Variants in NETO2 observed in about 807,000 individuals in gnomAD.
NETO2 encodes the protein neuropilin and tolloid-like protein 2.
A neutral mutation model predicts 62.5 loss-of-function variants in NETO2; 28 were observed. The ratio of observed to expected loss-of-function variants is 0.45; its 90% CI spans 0.33 to 0.61. The LOEUF (loss-of-function observed/expected upper bound fraction) is 0.61, where lower values mean the gene tolerates loss of function less well. Among genes scored for constraint, NETO2 ranks in the 20% least tolerant of loss-of-function variants. The pLI, the probability that NETO2 is intolerant of heterozygous loss-of-function variation, is 0.02. For synonymous variants in NETO2, 214 were observed against 219.1 expected (o/e 0.98, Z 0.21); for missense variants, 548 against 643.2 (o/e 0.85, Z 1.60).
chr16:47,092,226 G>A (rs958839286), intron 7 of NETO2, among the ~76,000 whole-genome samples: 3 of 152,030 alleles, frequency 2.0e-5, no homozygotes, highest in South Asian at 2.1e-4. Context: ...GTGGACCTGC[G>A]CAAGGATCGG....
Position 47,079,287 on chromosome 16 carries a change from C to CA in NETO2, c.*3933dup, listed in dbSNP as rs1478377444. On this transcript the variant is annotated 3_prime_UTR_variant, in exon 9 of 9. Coordinates refer to ENST00000562435, the MANE Select transcript of NETO2 (RefSeq NM_018092.5). ...CAGAGCGAGACTCTGTCTCAAAAAA[C>CA]AAAAAAACAGAAAAACAAAAACAGA... The CA allele has an allele frequency of 8.4e-5, 11 of 130,850 alleles. No individual in the cohort carries two copies. The highest frequency in any genetic ancestry group is 1.4e-4 in the African/African-American group (5 of 34,796). The allele number at this position is 130,850 out of a possible 1,614,324, so 8.1% of individuals were successfully genotyped here.
At chr16:47,113,958 T>C (rs1419753085) in intron 6 of NETO2, among the ~76,000 whole-genome samples, 1 of 152,184 alleles carries the variant, frequency 6.6e-6, no homozygotes, top group Non-Finnish European at 1.5e-5. Flanking sequence ...GATAAAGTTG[T>C]TATGAACATT....
At chr16:47,128,969 T>C (rs1964211269) in intron 3 of NETO2, among the ~76,000 whole-genome samples, 1 of 152,224 alleles carries the variant, frequency 6.6e-6, no homozygotes, top group Admixed American at 6.5e-5. Flanking sequence ...TTAAGTTTCT[T>C]ATCAGAGAAA....
intron 7 of NETO2, among the ~76,000 whole-genome samples, chr16:47,088,033 T>C (rs945476600): frequency 6.6e-6 from 1 of 152,156 alleles, no homozygotes; most frequent in Non-Finnish European, 1.5e-5. Context: ...ACAAAACATA[T>C]GAAAGTCAAG....
intron 6 of NETO2, among the ~76,000 whole-genome samples, chr16:47,118,793 G>C (rs1480007026): frequency 7.9e-5 from 12 of 152,016 alleles, no homozygotes; most frequent in Admixed American, 7.9e-4. Context: ...TTAAATCATT[G>C]CATCTGTAAA....
chr16:47,094,263 ATT>A (rs35543379), intron 7 of NETO2, among the ~76,000 whole-genome samples: 3 of 137,738 alleles, frequency 2.2e-5, no homozygotes, highest in South Asian at 2.3e-4. Context: ...TATCACTTGG[ATT>A]TTTTTTTTTT....
At chr16:47,093,735 C>A (rs1177826536) in intron 7 of NETO2, among the ~76,000 whole-genome samples, 1 of 152,102 alleles carries the variant, frequency 6.6e-6, no homozygotes, top group Admixed American at 6.5e-5. Flanking sequence ...CATAAACAGT[C>A]ATGATTTTAA....
chr16:47,106,438 C>T (rs1963676557), intron 7 of NETO2, among the ~76,000 whole-genome samples: 1 of 151,890 alleles, frequency 6.6e-6, no homozygotes, highest in African/African-American at 2.4e-5. Context: ...TTAAAAGTGA[C>T]TGAGGGTAAA....
chr16:47,089,608 T>A (rs1423672692), intron 7 of NETO2, among the ~76,000 whole-genome samples: 1 of 152,208 alleles, frequency 6.6e-6, no homozygotes, highest in Non-Finnish European at 1.5e-5. Flanking sequence ...TTCATGGTTC[T>A]TAGATAACAT....
chr16:47,128,631 T>C (rs2151489964), intron 3 of NETO2, 58 bp from the exon 4 acceptor site: 4 of 1,555,790 alleles, frequency 2.6e-6, no homozygotes, highest in Non-Finnish European at 3.5e-6. Flanking sequence ...TATAAATGTA[T>C]TGACACAAAT....
rs999149291 is a variant in NETO2 at position 47,085,519 on chromosome 16, T to A, written c.997+707A>T. Among the ~76,000 whole-genome samples the A allele has an allele frequency of 2.6e-5, 4 of 151,972 alleles. No homozygotes were observed. In the East Asian group the frequency reaches 7.8e-4, roughly 30 times the overall value. ...GCCTCAGCCTCCCGAGTAGCTGGGA[T>A]TACAGGCGCGTGCCACCACGCCTAG... On this transcript the variant is annotated intron_variant, in intron 8 of 8. Transcript: ENST00000562435.
chr16:47,117,897 G>C (rs1162348704), intron 6 of NETO2, among the ~76,000 whole-genome samples: 1 of 151,930 alleles, frequency 6.6e-6, no homozygotes, highest in African/African-American at 2.4e-5. Flanking sequence ...GAACAGCCTA[G>C]GCAACATTGT....
At position 47,082,037 on chromosome 16, in the gene NETO2, A is replaced by G. The variant is rs1288244007; in HGVS notation, c.*1184T>C. 1 of 152,654 alleles carries G rather than the reference A, an allele frequency of 6.6e-6. No individual in the cohort carries two copies. Among genetic ancestry groups the G allele is most frequent in the African/African-American group, 2.4e-5 (1 of 41,466 alleles). 9.5% of individuals were successfully genotyped at this position (152,654 alleles called of 1,614,324 possible). ...TGTAGGTCTTTCATCTTGATTTAATAAAGTTTGTACAGTATCAAATAATAT... is the reference window on the plus strand; with the variant it reads ...TGTAGGTCTTTCATCTTGATTTAATGAAGTTTGTACAGTATCAAATAATAT... On this transcript the variant is annotated 3_prime_UTR_variant, in exon 9 of 9. Transcript: ENST00000562435.
chr16:47,134,123 T>G (rs1273994216), intron 1 of NETO2, among the ~76,000 whole-genome samples: 1 of 152,114 alleles, frequency 6.6e-6, no homozygotes, highest in Non-Finnish European at 1.5e-5. Context: ...GTGCAAGTGG[T>G]TGGTAGACAG....
At chr16:47,111,400 T>C (rs1340050429) in intron 6 of NETO2, among the ~76,000 whole-genome samples, 1 of 152,178 alleles carries the variant, frequency 6.6e-6, no homozygotes, top group Admixed American at 6.5e-5. Flanking sequence ...TAAAGATAAA[T>C]AATAACAAGA....
At chr16:47,106,023 T>A (rs1270678852) in intron 7 of NETO2, among the ~76,000 whole-genome samples, 1 of 152,150 alleles carries the variant, frequency 6.6e-6, no homozygotes, top group Non-Finnish European at 1.5e-5. Flanking sequence ...CATCAACAGA[T>A]GAATGAATGT....
chr16:47,108,926 C>T (rs1029911126), intron 7 of NETO2, among the ~76,000 whole-genome samples: 5 of 152,148 alleles, frequency 3.3e-5, no homozygotes, highest in African/African-American at 4.8e-5. Flanking sequence ...ATATCTAAAT[C>T]TTTGATGACC....
intron 7 of NETO2, among the ~76,000 whole-genome samples, chr16:47,105,336 A>C (rs1040810977): frequency 6.6e-6 from 1 of 152,216 alleles, no homozygotes; most frequent in Non-Finnish European, 1.5e-5. Context: ...TACAAAAATT[A>C]ACTCCAAATA....
chr16:47,078,040 T>C lies in NETO2; in HGVS notation c.*5181A>G, dbSNP rs1455944675. On this transcript the variant is annotated 3_prime_UTR_variant, in exon 9 of 9. Transcript: ENST00000562435. Reference sequence around the variant, plus strand: ...CCTCACTGCCTCTTCAGTGACCGGATGCAGCAGACTGCAACCTGCAGGCAA... The same window carrying C: ...CCTCACTGCCTCTTCAGTGACCGGACGCAGCAGACTGCAACCTGCAGGCAA... 2 of 152,240 alleles carry C rather than the reference T, an allele frequency of 1.3e-5. No homozygotes were observed. The highest frequency in any genetic ancestry group is 2.9e-5 in the Non-Finnish European group (2 of 68,038). 9.4% of individuals were successfully genotyped at this position (152,240 alleles called of 1,614,324 possible).
Sources: gnomAD v4.1 joint callset for allele counts (sites outside exome capture counted in the v4.1 genomes callset) on GRCh38, gnomAD v4.1.1 for gene constraint, MANE v1.5 for transcripts, NCBI Gene and HGNC (gene_info 2026-07-23, HGNC 2026-07-21) for gene names.